The following RASAL2 variants were observed in gnomAD, a reference collection of about 807,000 sequenced individuals.
RASAL2 encodes ras GTPase-activating protein nGAP.
In RASAL2, 58 loss-of-function variants were observed where a neutral mutation model predicts 128.9. The observed-to-expected ratio is 0.45, with a 90% CI of 0.36 to 0.56. The LOEUF is 0.56. Ranked by LOEUF, RASAL2 falls within the 20% of genes least tolerant of loss-of-function variation. The pLI is 0.00. For synonymous variants in RASAL2, 561 were observed against 580.8 expected, an observed-to-expected ratio of 0.97 and a Z score of 0.49; for missense variants, 1,360 against 1,601.6, an observed-to-expected ratio of 0.85 and a Z score of 2.57.
intron 3 of RASAL2, among the ~76,000 whole-genome samples, chr1:178,309,015 A>G (rs1668120269): frequency 6.6e-6 from 1 of 152,170 alleles, no homozygotes; most frequent in Non-Finnish European, 1.5e-5. Flanking sequence ...CCTTTATAAA[A>G]TAGAGTAAAA....
chr1:178,253,219 TTG>T (rs1665136710), intron 1 of RASAL2, among the ~76,000 whole-genome samples: 1 of 152,180 alleles, frequency 6.6e-6, no homozygotes. Context: ...GCTGCCTTAT[TTG>T]TGTGTCTCTT....
At chr1:178,238,975 C>G (rs1372734402) in intron 1 of RASAL2, among the ~76,000 whole-genome samples, 1 of 152,010 alleles carries the variant, frequency 6.6e-6, no homozygotes, top group Admixed American at 6.5e-5. Context: ...CTTATGAGTA[C>G]ACAGGTTCTT....
At chr1:178,437,346 G>C (rs954227448) in intron 5 of RASAL2, among the ~76,000 whole-genome samples, 4 of 151,984 alleles carry the variant, frequency 2.6e-5, no homozygotes, top group African/African-American at 9.7e-5. Context: ...ATTTGTTCTC[G>C]TCTTCTAAAC....
chr1:178,436,494 A>G (rs1676262921), intron 5 of RASAL2, among the ~76,000 whole-genome samples: 1 of 152,124 alleles, frequency 6.6e-6, no homozygotes, highest in Non-Finnish European at 1.5e-5. Flanking sequence ...GTGAAAAAAT[A>G]GTTTTCACCA....
chr1:178,454,689 T>A, intron 12 of RASAL2, 41 bp downstream of exon 12: 1 of 1,551,810 alleles, frequency 6.4e-7, no homozygotes, highest in Non-Finnish European at 8.9e-7. Context: ...TTAATGTACC[T>A]GAATTCTGGA....
chr1:178,179,197 T>C (rs949720363), intron 1 of RASAL2, among the ~76,000 whole-genome samples: 5 of 152,168 alleles, frequency 3.3e-5, no homozygotes, highest in African/African-American at 1.2e-4. Flanking sequence ...GGTGTAAATA[T>C]TCCTGTTATG....
At chr1:178,159,423 A>G (rs1661194134) in intron 1 of RASAL2, among the ~76,000 whole-genome samples, 1 of 152,188 alleles carries the variant, frequency 6.6e-6, no homozygotes, top group East Asian at 1.9e-4. Flanking sequence ...AGTAGTGCCA[A>G]GACTTTCTCT....
chr1:178,097,634 A>C (rs576348823), intron 1 of RASAL2, among the ~76,000 whole-genome samples: 1 of 152,326 alleles, frequency 6.6e-6, no homozygotes, highest in African/African-American at 2.4e-5. Flanking sequence ...GTAGGATAAT[A>C]ATAAGGAACT....
intron 3 of RASAL2, among the ~76,000 whole-genome samples, chr1:178,325,581 G>A (rs932839647): frequency 4.6e-5 from 7 of 152,166 alleles, no homozygotes; most frequent in African/African-American, 1.7e-4. Flanking sequence ...TTTAAAAGCA[G>A]AATATCATTA....
At chr1:178,405,120 T>G (rs987289964) in intron 4 of RASAL2, among the ~76,000 whole-genome samples, 6 of 152,204 alleles carry the variant, frequency 3.9e-5, no homozygotes, top group African/African-American at 1.4e-4. Flanking sequence ...GAAGGCAAAC[T>G]GGTACAACCC....
chr1:178,202,942 T>G (rs527376642), intron 1 of RASAL2, among the ~76,000 whole-genome samples: 1 of 152,300 alleles, frequency 6.6e-6, no homozygotes, highest in African/African-American at 2.4e-5. Flanking sequence ...AAGGCTGACT[T>G]GGCCATGGCC....
chr1:178,170,600 G>A (rs1433843204), intron 1 of RASAL2, among the ~76,000 whole-genome samples: 1 of 151,220 alleles, frequency 6.6e-6, no homozygotes, highest in Non-Finnish European at 1.5e-5. Context: ...ACTTGGAGGT[G>A]GTTCTTTGTT....
chr1:178,204,513 C>T (rs1352918855), intron 1 of RASAL2, among the ~76,000 whole-genome samples: 1 of 152,162 alleles, frequency 6.6e-6, no homozygotes, highest in Non-Finnish European at 1.5e-5. Context: ...TCTTAGGCAG[C>T]TACACAGACT....
chr1:178,116,801 G>C (rs550181888), intron 1 of RASAL2, among the ~76,000 whole-genome samples: 80 of 151,976 alleles, frequency 5.3e-4, no homozygotes, highest in African/African-American at 1.9e-3. Flanking sequence ...TAGTTGAGAC[G>C]GGGTTTCACC....
chr1:178,210,764 T>G (rs888487955), intron 1 of RASAL2, among the ~76,000 whole-genome samples: 2 of 152,240 alleles, frequency 1.3e-5, no homozygotes, highest in Non-Finnish European at 2.9e-5. Context: ...ATTTGAAAAT[T>G]TATATATGGA....
At chr1:178,410,235 A>T (rs1343822389) in intron 4 of RASAL2, among the ~76,000 whole-genome samples, 1 of 152,116 alleles carries the variant, frequency 6.6e-6, no homozygotes. Flanking sequence ...CAGAGAAAAA[A>T]ATATTACTGT....
chr1:178,245,003 T>C (rs1212565354), intron 1 of RASAL2, among the ~76,000 whole-genome samples: 3 of 152,222 alleles, frequency 2.0e-5, no homozygotes, highest in Non-Finnish European at 4.4e-5. Flanking sequence ...TGGTTCCAAG[T>C]TTTTGCTATT....
chr1:178,289,371 G>A (rs774264941), intron 2 of RASAL2, among the ~76,000 whole-genome samples: 8 of 151,986 alleles, frequency 5.3e-5, no homozygotes, highest in South Asian at 2.1e-4. Context: ...ACATGGAAGC[G>A]CCATGGGACC....
chr1:178,169,020 A>G (rs1245052298), intron 1 of RASAL2, among the ~76,000 whole-genome samples: 2 of 152,084 alleles, frequency 1.3e-5, no homozygotes, highest in Non-Finnish European at 2.9e-5. Flanking sequence ...CTTAGTTTTC[A>G]TCTTTTATTG....
Sources: allele counts gnomAD v4.1 joint callset (sites outside exome capture counted in the v4.1 genomes callset), GRCh38; gene constraint gnomAD v4.1.1; transcripts MANE v1.5; gene names NCBI Gene and HGNC (gene_info 2026-07-23, HGNC 2026-07-21).